Variants in SEMA3E observed in about 807,000 individuals in gnomAD.
SEMA3E encodes the protein semaphorin-3E.
SEMA3E carries 49 observed loss-of-function variants against 93.6 expected under a neutral mutation model. The observed-to-expected ratio is 0.52, with a 90% CI of 0.42 to 0.66. The LOEUF (loss-of-function observed/expected upper bound fraction) is 0.66, where lower values mean the gene tolerates loss of function less well. SEMA3E is among the 30% of genes least tolerant of loss of function. The probability of loss-of-function intolerance (pLI) is 0.00; values close to 1 mark genes in which losing one functional copy is unlikely to be tolerated. For synonymous variants in SEMA3E, 363 were observed against 330.7 expected, an observed-to-expected ratio of 1.10 and a Z score of -1.06; for missense variants, 906 against 964.8, an observed-to-expected ratio of 0.94 and a Z score of 0.81.
rs1249825012 is a variant in SEMA3E, at chr7:83,394,234, T to C, written c.1500+63A>G. The C allele has an allele frequency of 2.6e-6, 4 of 1,540,174 alleles. No individual in the cohort carries two copies. The African/African-American group carries it at 4.1e-5, about 16-fold the overall frequency. ...CATGTACTAATGTTCTCATATCCTT[T>C]GACCTTACCTTAGCTCACATATAGA... On this transcript the variant is annotated intron_variant, in intron 13 of 16. Transcript: ENST00000643230.
At chr7:83,427,172 T>TTTC (rs1788789067) in intron 4 of SEMA3E, among the ~76,000 whole-genome samples, 1 of 151,862 alleles carries the variant, frequency 6.6e-6, no homozygotes, top group African/African-American at 2.4e-5. Context: ...CCCATATGAC[T>TTTC]TTTCTTTCTT....
At chr7:83,535,685 G>C (rs1791399402) in intron 1 of SEMA3E, among the ~76,000 whole-genome samples, 1 of 151,920 alleles carries the variant, frequency 6.6e-6, no homozygotes, top group Non-Finnish European at 1.5e-5. Context: ...AAATGCTTGA[G>C]GTAAAAGATC....
intron 1 of SEMA3E, among the ~76,000 whole-genome samples, chr7:83,562,908 T>C (rs1792061206): frequency 6.6e-6 from 1 of 152,150 alleles, no homozygotes; most frequent in Admixed American, 6.6e-5. Flanking sequence ...CACAGGGAAG[T>C]CATCTGAAAC....
At chr7:83,369,204 TAAAAG>T (rs1242815242) in intron 16 of SEMA3E, among the ~76,000 whole-genome samples, 2 of 152,138 alleles carry the variant, frequency 1.3e-5, no homozygotes, top group Admixed American at 6.5e-5. Flanking sequence ...TTTGTCAATA[TAAAAG>T]AAATGTAGAG....
chr7:83,602,030 G>T (rs2115985248), intron 1 of SEMA3E, among the ~76,000 whole-genome samples: 1 of 152,282 alleles, frequency 6.6e-6, no homozygotes, highest in Middle Eastern at 3.4e-3. Flanking sequence ...GTGCTTATTT[G>T]TATACTCTCA....
chr7:83,550,800 G>C (rs150694995), intron 1 of SEMA3E, among the ~76,000 whole-genome samples: 312 of 152,146 alleles, frequency 2.1e-3, no homozygotes, highest in African/African-American at 5.9e-3. Flanking sequence ...CTGTACAAGA[G>C]AGTTGGTAAA....
Position 83,402,672 on chromosome 7 carries a change from G to A in SEMA3E, c.1103C>T (p.Ser368Leu). 2 of 1,612,966 alleles carry A rather than the reference G, an allele frequency of 1.2e-6. No individual in the cohort carries two copies. Among genetic ancestry groups the A allele is most frequent in the Non-Finnish European group, 1.7e-6 (2 of 1,179,172 alleles). The stretch of plus-strand genomic sequence containing the variant: ...ATAAGGGACTTTTCCTTCATAGACT[G>A]ACCAGTGGTATTCAGGTCCTTCCTT... ...AHKEGPEYHW[S>L]VYEGKVPYPR... The change falls in exon 10 of 17, where the codon TCA becomes TTA. Residue 368 changes from serine to leucine, a missense_variant. Transcript: ENST00000643230.
At chr7:83,489,586 A>G (rs4279541) in intron 2 of SEMA3E, among the ~76,000 whole-genome samples, 14,901 of 152,114 alleles carry the variant, frequency 0.098, 949 homozygotes, top group South Asian at 0.22. Context: ...ATAATTATAG[A>G]CTATAATTAC....
chr7:83,638,927 T>C (rs375998484), intron 1 of SEMA3E, among the ~76,000 whole-genome samples: 2,170 of 150,128 alleles, frequency 0.014, 45 homozygotes, highest in African/African-American at 0.049. Flanking sequence ...CCGGCTAAAA[T>C]GGTGAAACCC....
rs747580692 is a variant in SEMA3E at position 83,387,090 on chromosome 7, A to C, written c.1668-40T>G. The C allele has an allele frequency of 8.9e-6, 14 of 1,580,962 alleles. No homozygotes were observed. In the Admixed American group the frequency reaches 2.4e-4, roughly 27 times the overall value. On this transcript the variant is annotated intron_variant, in intron 14 of 16. Transcript: ENST00000643230. ...ATGCATTTAGATGTTCATTTTTTCA[A>C]TTTTCCAGACTTTAAAATGCAGCCA...
intron 1 of SEMA3E, among the ~76,000 whole-genome samples, chr7:83,585,624 T>C (rs1014265410): frequency 2.4e-4 from 36 of 152,204 alleles, no homozygotes; most frequent in African/African-American, 7.7e-4. Context: ...CTCTTAACAA[T>C]TTATATACAT....
In SEMA3E at chr7:83,364,105, A is replaced by G. The variant is rs926192893; in HGVS notation, c.*3481T>C. 1 of 149,948 alleles carries G rather than the reference A, an allele frequency of 6.7e-6. No individual in the cohort carries two copies. Among genetic ancestry groups the G allele is most frequent in the African/African-American group, 2.5e-5 (1 of 40,654 alleles). 9.3% of individuals were successfully genotyped at this position (149,948 alleles called of 1,614,324 possible). The stretch of plus-strand genomic sequence containing the variant: ...GAGACGGGGTTTCACCTTGTTAGCC[A>G]GGATGGTCTCGATCTCCTGACCTCA... On this transcript the variant is annotated 3_prime_UTR_variant, in exon 17 of 17. Coordinates refer to ENST00000643230, the MANE Select transcript of SEMA3E (RefSeq NM_012431.3).
chr7:83,382,668 ATTAC>A (rs1397252664), intron 16 of SEMA3E, among the ~76,000 whole-genome samples: 3 of 151,600 alleles, frequency 2.0e-5, no homozygotes, highest in South Asian at 4.1e-4. Context: ...ATAACTTATT[ATTAC>A]TTAATTATAA....
In SEMA3E at chr7:83,366,469, T is replaced by G. The variant is rs542246167; in HGVS notation, c.*1117A>C. Reference sequence around the variant, plus strand: ...ATAAAAGAGAGAAGAAAATTTGATATTTGAGAGCAAATCACTTTAATATTT... The same window carrying G: ...ATAAAAGAGAGAAGAAAATTTGATAGTTGAGAGCAAATCACTTTAATATTT... On this transcript the variant is annotated 3_prime_UTR_variant, in exon 17 of 17. Coordinates refer to ENST00000643230, the MANE Select transcript of SEMA3E (RefSeq NM_012431.3). The G allele has an allele frequency of 6.6e-6, 1 of 152,152 alleles. No individual in the cohort carries two copies. The highest frequency in any genetic ancestry group is 1.9e-4 in the East Asian group (1 of 5,178). The allele number at this position is 152,152 out of a possible 1,614,324, so 9.4% of individuals were successfully genotyped here.
rs187848332 is a variant in SEMA3E, at chr7:83,587,429, G to A, written c.115+60999C>T. On this transcript the variant is annotated intron_variant, in intron 1 of 16. Transcript: ENST00000643230. The stretch of plus-strand genomic sequence containing the variant: ...ATAAGCGTCCCTCATTATTTGCAAA[G>A]CATAAAAAAAGTTACGTGGATGAAA... Among the ~76,000 whole-genome samples, 371 of 152,202 alleles carry A rather than the reference G, an allele frequency of 2.4e-3. 3 individuals carry two copies. Among genetic ancestry groups the A allele is most frequent in the African/African-American group, 8.5e-3 (355 of 41,552 alleles).
chr7:83,460,679 C>T (rs1056356566), intron 4 of SEMA3E, among the ~76,000 whole-genome samples: 17 of 116,716 alleles, frequency 1.5e-4, no homozygotes, highest in Admixed American at 9.5e-5. Context: ...GCGCCCCAAT[C>T]CCTTATTTCT....
chr7:83,451,374 A>G (rs569504984), intron 4 of SEMA3E, among the ~76,000 whole-genome samples: 1 of 152,290 alleles, frequency 6.6e-6, no homozygotes, highest in South Asian at 2.1e-4. Flanking sequence ...ATTTAACTAA[A>G]TCTTTTACAT....
chr7:83,426,351 TAAAGAA>T (rs894925360), intron 4 of SEMA3E, among the ~76,000 whole-genome samples: 2 of 152,008 alleles, frequency 1.3e-5, no homozygotes, highest in African/African-American at 4.8e-5. Context: ...GTGGATTGGA[TAAAGAA>T]AATGTGATAC....
At chr7:83,532,109 A>T (rs1039647364) in intron 1 of SEMA3E, among the ~76,000 whole-genome samples, 15 of 152,200 alleles carry the variant, frequency 9.9e-5, no homozygotes, top group African/African-American at 3.4e-4. Flanking sequence ...CAAAAATTTA[A>T]GACAACATTA....
Sources: gnomAD v4.1 joint callset for allele counts (sites outside exome capture counted in the v4.1 genomes callset) on GRCh38, gnomAD v4.1.1 for gene constraint, MANE v1.5 for transcripts, NCBI Gene and HGNC (gene_info 2026-07-23, HGNC 2026-07-21) for gene names.